CDH2: variants seen among roughly 807,000 people sequenced by gnomAD.
The protein encoded by CDH2 is cadherin 2.
Under a neutral mutation model 92.0 loss-of-function variants are expected in CDH2, and 17 were observed. That is an observed-to-expected ratio of 0.18 (90% confidence interval 0.13 to 0.28). The LOEUF (loss-of-function observed/expected upper bound fraction) is 0.28, where lower values mean the gene tolerates loss of function less well. Among genes scored for constraint, CDH2 ranks in the 10% least tolerant of loss-of-function variants. The pLI, the probability that CDH2 is intolerant of heterozygous loss-of-function variation, is 1.00. For synonymous variants in CDH2, 419 were observed against 415.9 expected (o/e 1.01, Z -0.09); for missense variants, 862 against 1,133.1 (o/e 0.76, Z 3.44).
intron 2 of CDH2, among the ~76,000 whole-genome samples, chr18:28,079,863 AT>A (rs34005610): frequency 6.6e-6 from 1 of 152,136 alleles, no homozygotes; most frequent in Admixed American, 6.5e-5. Flanking sequence ...GACTTAACTG[AT>A]TTTTTTAGAA....
intron 2 of CDH2, among the ~76,000 whole-genome samples, chr18:28,078,285 T>C (rs951916589): frequency 1.3e-5 from 2 of 152,254 alleles, no homozygotes; most frequent in African/African-American, 4.8e-5. Context: ...CCTGGAACTG[T>C]GCAAACACTA....
chr18:28,155,808 G>A (rs1453670926), intron 1 of CDH2, among the ~76,000 whole-genome samples: 1 of 151,982 alleles, frequency 6.6e-6, no homozygotes, highest in African/African-American at 2.4e-5. Flanking sequence ...CCAGATTCTC[G>A]ACATCTCACA....
At chr18:27,978,338 T>A (rs534341747) in intron 14 of CDH2, among the ~76,000 whole-genome samples, 2 of 152,254 alleles carry the variant, frequency 1.3e-5, no homozygotes, top group East Asian at 3.9e-4. Flanking sequence ...CAACATGGGA[T>A]TGACTCAAGA....
At chr18:28,165,709 CT>C (rs10540750) in intron 1 of CDH2, among the ~76,000 whole-genome samples, 482 of 144,348 alleles carry the variant, frequency 3.3e-3, no homozygotes, top group Middle Eastern at 7.2e-3. Context: ...AGTCCCCAAT[CT>C]TTTTTTTTTT....
chr18:28,043,932 A>T (rs1404559521), intron 2 of CDH2, among the ~76,000 whole-genome samples: 1 of 110,442 alleles, frequency 9.1e-6, no homozygotes, highest in East Asian at 2.8e-4. Flanking sequence ...TTGGAGACAG[A>T]GTACTTCTCT....
At chr18:28,026,951 A>G (rs1390302137) in intron 2 of CDH2, among the ~76,000 whole-genome samples, 1 of 152,142 alleles carries the variant, frequency 6.6e-6, no homozygotes, top group Non-Finnish European at 1.5e-5. Context: ...GAAGGGACAC[A>G]TATCACTTTA....
chr18:28,133,283 T>G (rs75816098), intron 2 of CDH2, among the ~76,000 whole-genome samples: 2,172 of 152,070 alleles, frequency 0.014, 48 homozygotes, highest in African/African-American at 0.05. Context: ...TAAAGAAAAT[T>G]TATAATAAGA....
rs531706461 is a variant in CDH2, at chr18:28,064,647, G to A, written c.173-50738C>T. ...GTTCTGAGGTGGTTTAAAGAAATGCGAACAAAAAAGCCCCAATTAAAAAAA... is the reference window on the plus strand; with the variant it reads ...GTTCTGAGGTGGTTTAAAGAAATGCAAACAAAAAAGCCCCAATTAAAAAAA... On this transcript the variant is annotated intron_variant, in intron 2 of 15. Transcript: ENST00000269141. Among the ~76,000 whole-genome samples, 12 of 147,910 alleles carry A rather than the reference G, an allele frequency of 8.1e-5. No homozygotes were observed. The South Asian group carries it at 2.2e-3, about 28-fold the overall frequency.
intron 6 of CDH2, among the ~76,000 whole-genome samples, chr18:27,935,696 C>T (rs1909001981): frequency 6.6e-6 from 1 of 151,328 alleles, no homozygotes; most frequent in South Asian, 2.1e-4. Flanking sequence ...TGAGGGCAGA[C>T]TACAAGTCTT....
intron 2 of CDH2, among the ~76,000 whole-genome samples, chr18:28,043,473 TATATATATATATATATATATAA>T (rs1339875150): frequency 0.011 from 858 of 79,180 alleles, 9 homozygotes; most frequent in South Asian, 0.043. Flanking sequence ...TATATATATA[TATATATATATATATATATATAA>T]ATATATATAT....
intron 6 of CDH2, among the ~76,000 whole-genome samples, chr18:27,945,402 T>C (rs1365843946): frequency 6.8e-6 from 1 of 148,030 alleles, no homozygotes; most frequent in Non-Finnish European, 1.5e-5. Flanking sequence ...GTCAGGTAGT[T>C]TATATTTGTA....
chr18:27,967,463 G>A (rs1162392039), intron 14 of CDH2, among the ~76,000 whole-genome samples: 1 of 152,110 alleles, frequency 6.6e-6, no homozygotes, highest in African/African-American at 2.4e-5. Flanking sequence ...TCTTCTCAAC[G>A]TCATTGGGTT....
chr18:28,029,074 C>G (rs1309112056), intron 2 of CDH2, among the ~76,000 whole-genome samples: 1 of 152,088 alleles, frequency 6.6e-6, no homozygotes, highest in Non-Finnish European at 1.5e-5. Flanking sequence ...TCACTACTTT[C>G]CAACTTTTCA....
intron 1 of CDH2, among the ~76,000 whole-genome samples, chr18:28,174,063 T>C (rs993071187): frequency 6.6e-6 from 1 of 152,058 alleles, no homozygotes; most frequent in Non-Finnish European, 1.5e-5. Context: ...CAAGACTAAC[T>C]AAACTAGTAA....
At chr18:28,116,436 T>A (rs532728515) in intron 2 of CDH2, among the ~76,000 whole-genome samples, 4 of 152,200 alleles carry the variant, frequency 2.6e-5, no homozygotes, top group Non-Finnish European at 4.4e-5. Context: ...TAGGTATTAT[T>A]TTGAGTGTCC....
chr18:28,044,416 C>T (rs987302253), intron 2 of CDH2, among the ~76,000 whole-genome samples: 2 of 152,170 alleles, frequency 1.3e-5, no homozygotes, highest in African/African-American at 4.8e-5. Context: ...CTGTTACTTC[C>T]ATCCAAAAGA....
intron 2 of CDH2, among the ~76,000 whole-genome samples, chr18:28,028,525 A>G (rs2013615847): frequency 6.6e-6 from 1 of 152,156 alleles, no homozygotes; most frequent in Non-Finnish European, 1.5e-5. Context: ...AATACAATTT[A>G]AGAAGTGCTT....
intron 14 of CDH2, among the ~76,000 whole-genome samples, chr18:27,964,416 A>AGTT (rs536465035): frequency 2.6e-4 from 39 of 152,350 alleles, no homozygotes; most frequent in Admixed American, 2.2e-3. Context: ...TTGGGCAAAT[A>AGTT]GTTGGTAGTA....
At chr18:28,060,788 T>C (rs1227123770) in intron 2 of CDH2, among the ~76,000 whole-genome samples, 2 of 152,154 alleles carry the variant, frequency 1.3e-5, no homozygotes, top group Non-Finnish European at 2.9e-5. Flanking sequence ...GAACCAGCCA[T>C]TTCTTTAAAG....
Sources: allele counts gnomAD v4.1 joint callset (sites outside exome capture counted in the v4.1 genomes callset), GRCh38; gene constraint gnomAD v4.1.1; transcripts MANE v1.5; gene names NCBI Gene and HGNC (gene_info 2026-07-23, HGNC 2026-07-21).